Variants in SPATA6 observed in about 807,000 individuals in gnomAD.
SPATA6 encodes the protein spermatogenesis associated 6.
Under a neutral mutation model 65.3 loss-of-function variants are expected in SPATA6, and 56 were observed. That is an observed-to-expected ratio of 0.86 (90% CI 0.69 to 1.07). The LOEUF (loss-of-function observed/expected upper bound fraction) is 1.07. SPATA6 is among the 50% of genes least tolerant of loss of function. The pLI is 0.00. For missense variants in SPATA6, 590 were observed against 594.8 expected, an observed-to-expected ratio of 0.99 and a Z score of 0.08; for synonymous variants, 199 against 213.2, an observed-to-expected ratio of 0.93 and a Z score of 0.58.
intron 11 of SPATA6, among the ~76,000 whole-genome samples, chr1:48,321,578 C>G (rs543661333): frequency 6.6e-6 from 1 of 152,210 alleles, no homozygotes; most frequent in Admixed American, 6.5e-5. Flanking sequence ...TAGATGGGGA[C>G]TTCAACACTC....
chr1:48,289,958 C>A, the SPATA6 span, among the ~76,000 whole-genome samples: 1 of 152,318 alleles, frequency 6.6e-6, no homozygotes, highest in East Asian at 1.9e-4. Flanking sequence ...CTTCCCCAAC[C>A]TAGCAAGGCA....
the SPATA6 span, among the ~76,000 whole-genome samples, chr1:48,282,349 T>G: frequency 6.6e-6 from 1 of 152,176 alleles, no homozygotes; most frequent in South Asian, 2.1e-4. Flanking sequence ...CTAATTAAAC[T>G]AAAGAGCTTC....
chr1:48,323,616 G>GAAAAAAAAAAAAAAAAAAAAAAAAAA (rs34150171), intron 11 of SPATA6, among the ~76,000 whole-genome samples: 1 of 105,284 alleles, frequency 9.5e-6, no homozygotes. Flanking sequence ...CACAACAACA[G>GAAAAAAAAAAAAAAAAAAAAAAAAAA]AAAAAAAAAA....
chr1:48,361,319 A>G lies in SPATA6; in HGVS notation c.910-1549T>C, dbSNP rs114588233. ...TGTGTTGTTTTGGAAGTGAATAAACAATGTATTTTAAGGAAGGGGGAGTAA... is the reference window on the plus strand; with the variant it reads ...TGTGTTGTTTTGGAAGTGAATAAACGATGTATTTTAAGGAAGGGGGAGTAA... On this transcript the variant is annotated intron_variant, in intron 9 of 12. Coordinates refer to ENST00000371847, the MANE Select transcript of SPATA6 (RefSeq NM_019073.4). 2.7e-3 allele frequency among the ~76,000 whole-genome samples: 406 copies of G among 152,258 alleles called. 4 individuals carry two copies. Among genetic ancestry groups the G allele is most frequent in the Middle Eastern group, 0.014 (4 of 294 alleles).
In SPATA6 at chr1:48,411,515, T is replaced by C; in HGVS notation, c.354A>G (p.Gly118=). ...TAACCTGGCGGTTTGAATCATGGTG[T>C]CCAGACATTTGGTTTGGACCCGGAA... The part of the protein sequence containing the change: ...FMFPGPNQMS[G]HHDSNRQVTM... The change falls in exon 5 of 13, where the codon GGA becomes GGG. Residue 118 remains glycine (G), a synonymous_variant. Transcript: ENST00000371847. The C allele has an allele frequency of 6.2e-7, 1 of 1,611,580 alleles. No individual in the cohort carries two copies. Among genetic ancestry groups the C allele is most frequent in the South Asian group, 1.1e-5 (1 of 90,326 alleles).
chr1:48,427,434 C>CAAAAAAA (rs760835892), intron 3 of SPATA6, among the ~76,000 whole-genome samples: 3 of 67,608 alleles, frequency 4.4e-5, no homozygotes, highest in East Asian at 3.3e-4. Flanking sequence ...AAAATTGAGG[C>CAAAAAAA]AAAAAAAAAA....
At chr1:48,302,736 C>T (rs950830026) in intron 12 of SPATA6, among the ~76,000 whole-genome samples, 1 of 152,146 alleles carries the variant, frequency 6.6e-6, no homozygotes, top group Non-Finnish European at 1.5e-5. Flanking sequence ...ATATGTACAG[C>T]CTTATGCATA....
intron 11 of SPATA6, among the ~76,000 whole-genome samples, chr1:48,348,098 C>T (rs919982534): frequency 2.6e-5 from 4 of 152,026 alleles, no homozygotes; most frequent in African/African-American, 9.7e-5. Flanking sequence ...TCTCAGTGTA[C>T]TAGCTTTTGC....
intron 11 of SPATA6, among the ~76,000 whole-genome samples, chr1:48,316,219 T>C (rs987350836): frequency 3.3e-5 from 5 of 152,054 alleles, no homozygotes; most frequent in African/African-American, 1.2e-4. Context: ...GAGCCCGCAT[T>C]ACCAAGTCAA....
intron 11 of SPATA6, among the ~76,000 whole-genome samples, chr1:48,348,920 A>C (rs1646443114): frequency 6.6e-6 from 1 of 151,886 alleles, no homozygotes; most frequent in Non-Finnish European, 1.5e-5. Flanking sequence ...CTTTATCTAC[A>C]GTTTATTTAC....
chr1:48,453,039 T>TTGAAGACCAG lies in SPATA6; in HGVS notation c.143_144insCTGGTCTTCA (p.Ala49TrpfsTer17). The TTGAAGACCAG allele has an allele frequency of 1.2e-6, 2 of 1,614,074 alleles. No individual in the cohort carries two copies. On this transcript the variant is annotated frameshift_variant, in exon 2 of 13. Coordinates refer to ENST00000371847, the MANE Select transcript of SPATA6 (RefSeq NM_019073.4). LOFTEE classifies it high-confidence loss of function. ...CATTGAAGACCAGGGGAAAAGTGGC[T>TTGAAGACCAG]GGGACACATTGTGTCTTTTTGTATT... is the stretch of plus-strand genomic sequence containing the variant.
At position 48,412,665 on chromosome 1, in the gene SPATA6, C is replaced by G. The variant is rs149373157; in HGVS notation, c.280+445G>C. ...ACGGAGTCTCGCTCTGTCACCCAGG[C>G]TGGAGTGCAATGGCATGATCTTGGC... On this transcript the variant is annotated intron_variant, in intron 4 of 12. Transcript: ENST00000371847. 8.5e-3 allele frequency among the ~76,000 whole-genome samples: 1,295 copies of G among 152,218 alleles called. 20 individuals are homozygous for G. The highest frequency in any genetic ancestry group is 0.028 in the African/African-American group (1,173 of 41,546).
the SPATA6 span, among the ~76,000 whole-genome samples, chr1:48,264,935 A>T: frequency 6.6e-6 from 1 of 152,204 alleles, no homozygotes; most frequent in Non-Finnish European, 1.5e-5. Flanking sequence ...TCCTTGAGAA[A>T]TCACCACACT....
At chr1:48,405,110 G>A (rs1651575539) in intron 5 of SPATA6, among the ~76,000 whole-genome samples, 4 of 152,162 alleles carry the variant, frequency 2.6e-5, no homozygotes, top group African/African-American at 7.2e-5. Context: ...GTAAATCGGA[G>A]TTGCCTAACA....
At chr1:48,374,308 T>G (rs1647636008) in intron 9 of SPATA6, among the ~76,000 whole-genome samples, 1 of 150,340 alleles carries the variant, frequency 6.7e-6, no homozygotes, top group African/African-American at 2.5e-5. Flanking sequence ...AAATGTAATT[T>G]TATAAAAAAA....
chr1:48,356,170 C>A (rs1470726984), intron 10 of SPATA6, among the ~76,000 whole-genome samples: 1 of 152,168 alleles, frequency 6.6e-6, no homozygotes, highest in Non-Finnish European at 1.5e-5. Context: ...CAGAGCAACA[C>A]AGAAGTTAAA....
At chr1:48,363,739 C>T (rs1461819903) in intron 9 of SPATA6, among the ~76,000 whole-genome samples, 1 of 150,624 alleles carries the variant, frequency 6.6e-6, no homozygotes, top group Non-Finnish European at 1.5e-5. Context: ...GAAACTGGTA[C>T]AGGTAAAAAA....
intron 11 of SPATA6, among the ~76,000 whole-genome samples, chr1:48,343,742 TG>T (rs1646284271): frequency 6.6e-6 from 1 of 152,110 alleles, no homozygotes; most frequent in African/African-American, 2.4e-5. Flanking sequence ...CAAAATCTTA[TG>T]GAAAAATTAT....
chr1:48,297,269 T>C lies in SPATA6; in HGVS notation c.*1444A>G, dbSNP rs963172496. 7 of 151,956 alleles carry C rather than the reference T, an allele frequency of 4.6e-5. No individual in the cohort carries two copies. Among genetic ancestry groups the C allele is most frequent in the Admixed American group, 3.3e-4 (5 of 15,240 alleles). 9.4% of individuals were successfully genotyped at this position (151,956 alleles called of 1,614,324 possible). ...AACAGTGATCTTGGTCCACAGAACA[T>C]AGTTTGGGGTCTACTACATTCTTAT... is the stretch of plus-strand genomic sequence containing the variant. On this transcript the variant is annotated 3_prime_UTR_variant, in exon 13 of 13. Transcript: ENST00000371847.
Sources: gnomAD v4.1 joint callset for allele counts (sites outside exome capture counted in the v4.1 genomes callset) on GRCh38, gnomAD v4.1.1 for gene constraint, MANE v1.5 for transcripts, NCBI Gene and HGNC (gene_info 2026-07-23, HGNC 2026-07-21) for gene names.